The following TLE3 variants were observed in gnomAD, a reference collection of about 807,000 sequenced individuals.
The protein encoded by TLE3 is transducin-like enhancer protein 3.
TLE3 carries 14 observed loss-of-function variants against 93.0 expected under a neutral mutation model. The ratio of observed to expected loss-of-function variants is 0.15; its 90% confidence interval spans 0.10 to 0.24. TLE3 has a LOEUF of 0.24. Among genes scored for constraint, TLE3 ranks in the 10% least tolerant of loss-of-function variants. TLE3 has a pLI of 1.00. For synonymous variants in TLE3, 451 were observed against 425.0 expected, an observed-to-expected ratio of 1.06 and a Z score of -0.75; for missense variants, 693 against 1,046.6, an observed-to-expected ratio of 0.66 and a Z score of 4.66.
At chr15:70,090,070 C>T (rs1276767053) in intron 4 of TLE3, among the ~76,000 whole-genome samples, 1 of 152,136 alleles carries the variant, frequency 6.6e-6, no homozygotes, top group Non-Finnish European at 1.5e-5. Context: ...CACTGAAACC[C>T]CCACTCTACC....
intron 14 of TLE3, chr15:70,055,520 C>T: frequency 5.9e-6 from 3 of 504,872 alleles, no homozygotes; most frequent in Admixed American, 3.8e-5. Flanking sequence ...AGTTATATAT[C>T]CTTGCTTCAA....
In TLE3 at chr15:70,058,679, G is replaced by A. The variant is rs1323124323; in HGVS notation, c.902C>T (p.Thr301Ile). The change falls in exon 11 of 20, where the codon ACC (threonine) becomes ATC (isoleucine). Residue 301 changes from threonine to isoleucine, a missense_variant. Physicochemically the swap from Thr to Ile is moderately conservative, Grantham distance 89 (BLOSUM62 -1). Coordinates refer to ENST00000451782, the MANE Select transcript of TLE3 (RefSeq NM_001105192.3). The surrounding 1 kb of genome is among the most constrained non-coding windows in gnomAD (Gnocchi z 4.1). ...ASSSSTPSSK[T>I]KDLGHNDKSS... ...CCCACATACATGACCAAGGTCTTTGGTCTTGGAGGAAGGTGTGCTACTGGA... is the reference window on the plus strand; with the variant it reads ...CCCACATACATGACCAAGGTCTTTGATCTTGGAGGAAGGTGTGCTACTGGA... The A allele has an allele frequency of 6.2e-7, 1 of 1,603,576 alleles. No homozygotes were observed.
rs201854965 is a variant in TLE3, at chr15:70,053,327, T to C, written c.1874A>G (p.His625Arg). ...TDGASCIDIS[H>R]DGTKLWTGGL... ...CCCTGTCCACAGTTTGGTGCCATCA[T>C]GGGAGATGTCTATGCAGCTGGCCCC... The change falls in exon 17 of 20, where the codon CAT becomes CGT. Residue 625 changes from histidine to arginine, a missense_variant. His to Arg is a conservative substitution (Grantham distance 29, BLOSUM62 0). Around this residue, in one of 4 missense-constraint regions of TLE3, gnomAD observed 153 missense variants for 379.9 expected, o/e 0.40. Transcript: ENST00000451782. 1 of 1,609,558 alleles carries C rather than the reference T, an allele frequency of 6.2e-7. No individual in the cohort carries two copies. Among genetic ancestry groups the C allele is most frequent in the Non-Finnish European group, 8.5e-7 (1 of 1,177,952 alleles).
chr15:70,074,466 T>C (rs1250859694), intron 6 of TLE3, 67 bp downstream of exon 6: 3 of 1,545,306 alleles, frequency 1.9e-6, no homozygotes, highest in Non-Finnish European at 2.6e-6. Flanking sequence ...CAATCTCTGG[T>C]TATGATAAAT....
At chr15:70,062,569 A>AT (rs1267024535) in intron 8 of TLE3, among the ~76,000 whole-genome samples, 2 of 152,098 alleles carry the variant, frequency 1.3e-5, no homozygotes, top group Non-Finnish European at 2.9e-5. Context: ...AAAACTAAGT[A>AT]TTTTTTATTG....
intron 4 of TLE3, among the ~76,000 whole-genome samples, chr15:70,085,720 A>G (rs2141968034): frequency 6.6e-6 from 1 of 152,308 alleles, no homozygotes; most frequent in East Asian, 1.9e-4. Flanking sequence ...CCTGCAGGAG[A>G]GGGGCATGTC....
intron 17 of TLE3, chr15:70,052,967 G>GTGTAGATCT: frequency 1.8e-5 from 8 of 448,596 alleles, no homozygotes; most frequent in South Asian, 1.5e-4. Context: ...GAATGAGGAC[G>GTGTAGATCT]CCGAGGACAA....
Position 70,096,248 on chromosome 15 carries a change from G to A in TLE3, c.38C>T (p.Pro13Leu), listed in dbSNP as rs1352787138. The A allele has an allele frequency of 5.1e-6, 8 of 1,554,330 alleles. No homozygotes were observed. Among genetic ancestry groups the A allele is most frequent in the Non-Finnish European group, 8.7e-7 (1 of 1,148,832 alleles). The change falls in exon 2 of 20, where the codon CCC (proline) becomes CTC (leucine). Residue 13 changes from proline (P) to leucine (L), a missense_variant. Pro to Leu is a moderately conservative substitution (Grantham distance 98). Coordinates refer to ENST00000451782, the MANE Select transcript of TLE3 (RefSeq NM_001105192.3). Reference sequence around the variant, plus strand: ...CGTGAATTTAAATCCCGGCTGCCCGGGTTGATGGGGAGCCTGGAGCCCGCG... The same window carrying A: ...CGTGAATTTAAATCCCGGCTGCCCGAGTTGATGGGGAGCCTGGAGCCCGCG... Reference protein sequence around the residue: ...PQGRHPAPHQPGQPGFKFTVA... With the variant: ...PQGRHPAPHQLGQPGFKFTVA...
At chr15:70,089,857 C>T (rs556827909) in intron 4 of TLE3, among the ~76,000 whole-genome samples, 72 of 152,274 alleles carry the variant, frequency 4.7e-4, no homozygotes, top group African/African-American at 1.5e-3. Context: ...AAACAAACAG[C>T]CTAGGTGGGA....
chr15:70,090,630 A>C (rs949951989), intron 4 of TLE3, among the ~76,000 whole-genome samples: 1 of 152,090 alleles, frequency 6.6e-6, no homozygotes, highest in African/African-American at 2.4e-5. Context: ...GGGAGTGACA[A>C]ATGGGGATTT....
At chr15:70,089,550 CTACTCTCAGATAACCTGAG>C (rs2058203113) in intron 4 of TLE3, among the ~76,000 whole-genome samples, 1 of 152,194 alleles carries the variant, frequency 6.6e-6, no homozygotes, top group Non-Finnish European at 1.5e-5. Flanking sequence ...AATCGGAACT[CTACTCTCAGATAACCTGAG>C]TAAATTTTGA....
Position 70,066,208 on chromosome 15 carries a change from A to AGCT in TLE3, c.380_382dup (p.Gln127dup). 1.0e-5 allele frequency: 16 copies of AGCT among 1,530,860 alleles called. No individual in the cohort carries two copies. The highest frequency in any genetic ancestry group is 1.3e-5 in the South Asian group (1 of 77,732). 94.8% of individuals were successfully genotyped at this position (1,530,860 alleles called of 1,614,324 possible). ...GGCATGGGAGAGGTGCTGCGCCTGG[A>AGCT]GCTGCTGCTGCTGCAATGAAGTCGG... On this transcript the variant is annotated inframe_insertion, in exon 7 of 20. Transcript: ENST00000451782.
chr15:70,091,832 A>G (rs1430101098), intron 4 of TLE3, among the ~76,000 whole-genome samples: 1 of 152,194 alleles, frequency 6.6e-6, no homozygotes, highest in Non-Finnish European at 1.5e-5. Flanking sequence ...TAGAGCCAGC[A>G]AAGGAGAGCT....
chr15:70,055,186 T>C lies in TLE3; in HGVS notation c.1441A>G (p.Ser481Gly). The C allele has an allele frequency of 6.2e-7, 1 of 1,614,112 alleles. No individual in the cohort carries two copies. The highest frequency in any genetic ancestry group is 8.5e-7 in the Non-Finnish European group (1 of 1,179,992). ...ACGGCACACACCACCTCCCCGTGGC[T>C]GAGTGTGTTGATCTGCCGGGCGTGC... is the stretch of plus-strand genomic sequence containing the variant. ...PRHARQINTL[S>G]HGEVVCAVTI... Residue 481 changes from serine to glycine, a missense_variant, in exon 15 of 20, where the codon AGC (serine) becomes GGC (glycine). By Grantham distance (56) the Ser-to-Gly change is moderately conservative (BLOSUM62 0). Coordinates refer to ENST00000451782, the MANE Select transcript of TLE3 (RefSeq NM_001105192.3).
Position 70,049,331 on chromosome 15 carries a change from A to G in TLE3, c.*766T>C, listed in dbSNP as rs957700839. On this transcript the variant is annotated 3_prime_UTR_variant, in exon 20 of 20. Transcript: ENST00000451782. ...ACGGGCCCCCATCTCAGTGCCTTCC[A>G]TCCCTCAGTCTGGCCGGCTGGTTAT... 1 of 152,246 alleles carries G rather than the reference A, an allele frequency of 6.6e-6. No homozygotes were observed. The highest frequency in any genetic ancestry group is 1.9e-4 in the East Asian group (1 of 5,194). The allele number at this position is 152,246 out of a possible 1,614,324, so 9.4% of individuals were successfully genotyped here. A position where few individuals can be genotyped will look rare whatever the true frequency, so the allele number is the denominator to read the frequency against.
chr15:70,057,777 C>T (rs2056178712), intron 12 of TLE3, 119 bp from the exon 13 acceptor site: 4 of 1,267,322 alleles, frequency 3.2e-6, no homozygotes, highest in African/African-American at 1.5e-5. Flanking sequence ...GCAGTCCTCT[C>T]AGACTGAACC....
intron 12 of TLE3, 128 bp from the exon 13 acceptor site, chr15:70,057,786 C>T (rs746946744): frequency 1.7e-6 from 2 of 1,198,334 alleles, no homozygotes; most frequent in Non-Finnish European, 2.3e-6. Flanking sequence ...TCAGACTGAA[C>T]CCACCCAAGT....
chr15:70,054,842 A>C, intron 15 of TLE3, 157 bp from the exon 16 acceptor site: 1 of 1,243,914 alleles, frequency 8.0e-7, no homozygotes, highest in Non-Finnish European at 1.1e-6. Context: ...CAAATTCACA[A>C]CCCTTTGATC....
chr15:70,052,251 G>A, intron 18 of TLE3, 123 bp downstream of exon 18: 1 of 1,270,840 alleles, frequency 7.9e-7, no homozygotes, highest in Admixed American at 2.3e-5. Flanking sequence ...TCAGGGGTCA[G>A]GAGGCCTGGT....
Sources: gnomAD v4.1 joint callset for allele counts (sites outside exome capture counted in the v4.1 genomes callset) on GRCh38, gnomAD v4.1.1 for gene constraint, gnomAD v4.1.1 regional missense constraint, Gnocchi (gnomAD v3.1) non-coding constraint, MANE v1.5 for transcripts, NCBI Gene and HGNC (gene_info 2026-07-23, HGNC 2026-07-21) for gene names.